Variants in SPATA6L observed in about 807,000 individuals in gnomAD.
The protein encoded by SPATA6L is spermatogenesis associated 6 like, also known as spermatogenesis associated 6-like protein.
SPATA6L carries 68 observed loss-of-function variants against 49.2 expected under a neutral mutation model. That is an observed-to-expected ratio of 1.38 (90% CI 1.14 to 1.69). The LOEUF (loss-of-function observed/expected upper bound fraction) is 1.69. Ranked by LOEUF, SPATA6L falls within the 40% of genes most tolerant of loss-of-function variation. SPATA6L has a pLI of 0.00. For synonymous variants in SPATA6L, 198 were observed against 165.7 expected (o/e 1.19, Z -1.50); for missense variants, 668 against 464.3 (o/e 1.44, Z -4.03).
chr9:4,622,065 G>C (rs1382688459), intron 7 of SPATA6L, among the ~76,000 whole-genome samples: 1 of 152,192 alleles, frequency 6.6e-6, no homozygotes, highest in Non-Finnish European at 1.5e-5. Flanking sequence ...AAAACGGAAA[G>C]CCTTATTTGT....
In SPATA6L at chr9:4,625,356, C is replaced by T; in HGVS notation, c.640G>A (p.Gly214Arg). 6.2e-7 allele frequency: 1 copy of T among 1,613,864 alleles called. No homozygotes were observed. The highest frequency in any genetic ancestry group is 8.5e-7 in the Non-Finnish European group (1 of 1,179,908). The change falls in exon 6 of 12, where the codon GGA becomes AGA. Residue 214 changes from glycine to arginine, a missense_variant. Transcript: ENST00000682582. ...NLGNNFKISG[G>R]SKPPFVVRHV... The stretch of plus-strand genomic sequence containing the variant: ...CTAACAACAAATGGAGGCTTGCTTC[C>T]TCCAGAGATTTTGAAATTATTTCCA...
chr9:4,619,666 GAGCTCTTGAATATATTTGTCCAAGGT>G (rs1828830526), intron 7 of SPATA6L, among the ~76,000 whole-genome samples: 1 of 152,016 alleles, frequency 6.6e-6, no homozygotes, highest in East Asian at 1.9e-4. Context: ...ATTTATGCAG[GAGCTCTTGAATATATTTGTCCAAGGT>G]AGACACAAAT....
chr9:4,615,105 A>T (rs10114973), intron 9 of SPATA6L, among the ~76,000 whole-genome samples: 1,707 of 152,130 alleles, frequency 0.011, 26 homozygotes, highest in African/African-American at 0.037. Flanking sequence ...ACCTCTATGA[A>T]CCCCATCATA....
intron 8 of SPATA6L, among the ~76,000 whole-genome samples, chr9:4,618,491 G>T (rs953565420): frequency 6.6e-6 from 1 of 152,152 alleles, no homozygotes; most frequent in Non-Finnish European, 1.5e-5. Flanking sequence ...CTATTCTCAT[G>T]TTGTTACATA....
rs1395730265 is a variant in SPATA6L at position 4,653,359 on chromosome 9, C to T, written c.226+2682G>A. Among the ~76,000 whole-genome samples, 8 of 152,226 alleles carry T rather than the reference C, an allele frequency of 5.3e-5. No individual in the cohort carries two copies. In the East Asian group the frequency reaches 1.4e-3, roughly 26 times the overall value. On this transcript the variant is annotated intron_variant, in intron 3 of 11. Coordinates refer to ENST00000682582, the MANE Select transcript of SPATA6L (RefSeq NM_001353486.2). ...ATCACACTGTCTACAAAAATCAACACAGTATAAATCATCTAGATGTAAGAG... is the reference window on the plus strand; with the variant it reads ...ATCACACTGTCTACAAAAATCAACATAGTATAAATCATCTAGATGTAAGAG...
chr9:4,657,023 G>A (rs1309742389), intron 2 of SPATA6L, among the ~76,000 whole-genome samples: 1 of 152,164 alleles, frequency 6.6e-6, no homozygotes, highest in Non-Finnish European at 1.5e-5. Context: ...GAAAAACATT[G>A]TAATATCTGT....
intron 3 of SPATA6L, among the ~76,000 whole-genome samples, chr9:4,649,066 C>T (rs907651396): frequency 5.8e-3 from 133 of 22,798 alleles, no homozygotes; most frequent in African/African-American, 0.016. Flanking sequence ...GAAATATACA[C>T]ACACACACAC....
At chr9:4,637,883 TA>T (rs886862642) in intron 3 of SPATA6L, among the ~76,000 whole-genome samples, 2 of 152,098 alleles carry the variant, frequency 1.3e-5, no homozygotes, top group Non-Finnish European at 2.9e-5. Context: ...TCCACACTGT[TA>T]AAAAAAGGAG....
At chr9:4,607,449 GC>G (rs1183074669) in intron 9 of SPATA6L, among the ~76,000 whole-genome samples, 1 of 152,196 alleles carries the variant, frequency 6.6e-6, no homozygotes, top group Non-Finnish European at 1.5e-5. Flanking sequence ...GGATCTCTTG[GC>G]AGAAACCCTA....
In SPATA6L at chr9:4,666,369, C is replaced by T. The variant is rs1840867150; in HGVS notation, c.-119G>A. 1 of 1,072,980 alleles carries T rather than the reference C, an allele frequency of 9.3e-7. No individual in the cohort carries two copies. The highest frequency in any genetic ancestry group is 1.4e-6 in the Non-Finnish European group (1 of 706,616). The allele number at this position is 1,072,980 out of a possible 1,614,324, so 66.5% of individuals were successfully genotyped here. A position where few individuals can be genotyped will look rare whatever the true frequency, so the allele number is the denominator to read the frequency against. On this transcript the variant is annotated 5_prime_UTR_variant, in exon 1 of 12. Coordinates refer to ENST00000682582, the MANE Select transcript of SPATA6L (RefSeq NM_001353486.2). ...AAATGTTCCCAGAAGCTTCCCCAGT[C>T]CCACGCCCTTGTTCCCCTACCGTCC...
Position 4,625,348 on chromosome 9 carries a change from C to T in SPATA6L, c.648G>A (p.Lys216=). 6.2e-7 allele frequency: 1 copy of T among 1,613,450 alleles called. No individual in the cohort carries two copies. The highest frequency in any genetic ancestry group is 8.5e-7 in the Non-Finnish European group (1 of 1,179,706). ...TCACGTGTCTAACAACAAATGGAGG[C>T]TTGCTTCCTCCAGAGATTTTGAAAT... ...GNNFKISGGS[K]PPFVVRHVDS... The change falls in exon 6 of 12, where the codon AAG becomes AAA. Residue 216 remains lysine, a synonymous_variant. Coordinates refer to ENST00000682582, the MANE Select transcript of SPATA6L (RefSeq NM_001353486.2).
downstream of SPATA6L, among the ~76,000 whole-genome samples, chr9:4,597,205 C>A (rs931644579): frequency 6.6e-6 from 1 of 152,002 alleles, no homozygotes; most frequent in Non-Finnish European, 1.5e-5. Context: ...GTAAGCCTAG[C>A]ATTTTGGGAG....
intron 9 of SPATA6L, among the ~76,000 whole-genome samples, chr9:4,614,266 T>A (rs923327694): frequency 6.6e-6 from 1 of 152,222 alleles, no homozygotes; most frequent in African/African-American, 2.4e-5. Context: ...TGTTCACTCT[T>A]ATAATGTGTT....
intron 1 of SPATA6L, chr9:4,663,139 G>T (rs745618449): frequency 4.3e-6 from 7 of 1,614,052 alleles, no homozygotes; most frequent in Non-Finnish European, 5.9e-6. Context: ...ATGCTGGGGC[G>T]GCACAATGTC....
chr9:4,609,623 T>C (rs1305407299), intron 9 of SPATA6L, among the ~76,000 whole-genome samples: 3 of 151,438 alleles, frequency 2.0e-5, no homozygotes, highest in Admixed American at 6.6e-5. Context: ...TCTCAATAAA[T>C]TAGGTATTGA....
At chr9:4,625,772 G>A in intron 5 of SPATA6L, 1 of 375,458 alleles carries the variant, frequency 2.7e-6, no homozygotes, top group Non-Finnish European at 4.7e-6. Context: ...TAACTTGCTA[G>A]TATAATGTAT....
rs1822692914 is a variant in SPATA6L at position 4,599,321 on chromosome 9, T to C, written c.*1490A>G. Among the ~76,000 whole-genome samples, 1 of 152,254 alleles carries C rather than the reference T, an allele frequency of 6.6e-6. No individual in the cohort carries two copies. Among genetic ancestry groups the C allele is most frequent in the Non-Finnish European group, 1.5e-5 (1 of 68,040 alleles). On this transcript the variant is annotated 3_prime_UTR_variant, in exon 12 of 12. Coordinates refer to ENST00000682582, the MANE Select transcript of SPATA6L (RefSeq NM_001353486.2). ...ATATACCTTTATTTGGCTGAAATTC[T>C]AAGAAGAGGATAAATGAATTTTGTT...
intron 5 of SPATA6L, chr9:4,628,790 T>C (rs929268589): frequency 8.2e-6 from 2 of 245,350 alleles, no homozygotes; most frequent in African/African-American, 2.3e-5. Flanking sequence ...CACAAGTAAA[T>C]GTCATAGAAC....
At chr9:4,635,984 G>C (rs1832733225) in intron 3 of SPATA6L, among the ~76,000 whole-genome samples, 1 of 152,170 alleles carries the variant, frequency 6.6e-6, no homozygotes, top group African/African-American at 2.4e-5. Context: ...CCCATCCCCA[G>C]TGACTTTCTA....
Sources: allele counts gnomAD v4.1 joint callset (sites outside exome capture counted in the v4.1 genomes callset), GRCh38; gene constraint gnomAD v4.1.1; transcripts MANE v1.5; gene names NCBI Gene and HGNC (gene_info 2026-07-23, HGNC 2026-07-21).